Variants in MED13L observed in about 807,000 individuals in gnomAD.
MED13L encodes the protein mediator complex subunit 13L.
MED13L carries 7 observed loss-of-function variants against 220.9 expected under a neutral mutation model. That is an observed-to-expected ratio of 0.03 (90% CI 0.02 to 0.06). The LOEUF (loss-of-function observed/expected upper bound fraction) is 0.06, where lower values mean the gene tolerates loss of function less well. Ranked by LOEUF, MED13L falls within the 10% of genes least tolerant of loss-of-function variation. The pLI, the probability that MED13L is intolerant of heterozygous loss-of-function variation, is 1.00. For missense variants in MED13L, 1,965 were observed against 2,760.5 expected (o/e 0.71, Z 6.46); for synonymous variants, 1,011 against 1,015.2 (o/e 1.00, Z 0.08).
At position 116,254,897 on chromosome 12, in the gene MED13L, A is replaced by C. The variant is rs545299575; in HGVS notation, c.73-17192T>G. 2.6e-5 allele frequency among the ~76,000 whole-genome samples: 4 copies of C among 152,324 alleles called. No individual in the cohort carries two copies. The South Asian group carries it at 8.3e-4, about 32-fold the overall frequency. On this transcript the variant is annotated intron_variant, in intron 1 of 30. Transcript: ENST00000281928. ...TACGGAACAATGTTGAGAGAAATTAAATATCTAGAGAAATGAAGAGCCAGA... is the reference window on the plus strand; with the variant it reads ...TACGGAACAATGTTGAGAGAAATTACATATCTAGAGAAATGAAGAGCCAGA...
intron 1 of MED13L, 27 bp downstream of exon 1, chr12:116,277,033 C>T (rs751073934): frequency 6.5e-6 from 10 of 1,533,190 alleles, no homozygotes; most frequent in Admixed American, 1.9e-5. Flanking sequence ...CCCGGCACAG[C>T]CCCCTCCCCG....
At chr12:116,006,988 A>G (rs1019171019) in intron 11 of MED13L, 10 of 222,678 alleles carry the variant, frequency 4.5e-5, no homozygotes, top group Admixed American at 1.0e-4. Context: ...ATTAACCCAG[A>G]GAATATATAG....
At chr12:115,996,804 A>G (rs112547087) in intron 15 of MED13L, 123 bp from the exon 16 acceptor site, 13 of 1,075,548 alleles carry the variant, frequency 1.2e-5, no homozygotes, top group Non-Finnish European at 1.8e-5. Context: ...CTCTCCTATG[A>G]TCATTAGAAA....
chr12:116,235,679 C>CCTA (rs1298551771), intron 2 of MED13L, among the ~76,000 whole-genome samples: 1 of 152,030 alleles, frequency 6.6e-6, no homozygotes, highest in African/African-American at 2.4e-5. Flanking sequence ...ATTTAAATGC[C>CCTA]CTACTCCTTT....
At chr12:116,133,601 A>G (rs1876268204) in intron 2 of MED13L, among the ~76,000 whole-genome samples, 1 of 152,122 alleles carries the variant, frequency 6.6e-6, no homozygotes. Context: ...ATAGCTCACA[A>G]TATATCCCAT....
At chr12:116,151,312 A>G (rs896132145) in intron 2 of MED13L, among the ~76,000 whole-genome samples, 3 of 152,208 alleles carry the variant, frequency 2.0e-5, no homozygotes, top group Admixed American at 6.5e-5. Context: ...AAGTTACTAT[A>G]GAAATGTCAG....
intron 4 of MED13L, among the ~76,000 whole-genome samples, chr12:116,066,951 A>G (rs568349905): frequency 6.6e-6 from 1 of 152,294 alleles, no homozygotes; most frequent in African/African-American, 2.4e-5. Context: ...AGCATTACAA[A>G]TAAGAAATGT....
At chr12:116,114,481 A>G (rs1201479788) in intron 2 of MED13L, among the ~76,000 whole-genome samples, 1 of 152,218 alleles carries the variant, frequency 6.6e-6, no homozygotes, top group Non-Finnish European at 1.5e-5. Context: ...AACCCAGAAG[A>G]GACTTTCTTC....
chr12:116,276,368 G>C, intron 1 of MED13L: 2 of 838,512 alleles, frequency 2.4e-6, no homozygotes, highest in South Asian at 1.4e-5. Context: ...TCGTTGTTAG[G>C]ATAGAGAAAA....
rs538137839 is a variant in MED13L at position 116,037,010 on chromosome 12, C to T, written c.480-14409G>A. On this transcript the variant is annotated intron_variant, in intron 4 of 30. Transcript: ENST00000281928. Reference sequence around the variant, plus strand: ...AAACCTGATTACAAGGCAATGAAAACGTCCAGGAAAGTTAATTGCACATAA... The same window carrying T: ...AAACCTGATTACAAGGCAATGAAAATGTCCAGGAAAGTTAATTGCACATAA... Among the ~76,000 whole-genome samples the T allele has an allele frequency of 9.2e-5, 14 of 152,214 alleles. No individual in the cohort carries two copies. The East Asian group carries it at 1.7e-3, about 19-fold the overall frequency.
chr12:116,262,907 C>T (rs1479942969), intron 1 of MED13L, among the ~76,000 whole-genome samples: 1 of 152,148 alleles, frequency 6.6e-6, no homozygotes, highest in African/African-American at 2.4e-5. Context: ...TTGTAGACAA[C>T]TAAAGAATGT....
chr12:116,014,913 G>T lies in MED13L; in HGVS notation c.1175+196C>A, dbSNP rs532893341. Reference sequence around the variant, plus strand: ...GAACTTCAAAAAGTTCCTCGATAATGAAATCAAGTACAGTAAATGTCTTGA... The same window carrying T: ...GAACTTCAAAAAGTTCCTCGATAATTAAATCAAGTACAGTAAATGTCTTGA... On this transcript the variant is annotated intron_variant, in intron 8 of 30. Transcript: ENST00000281928. 4.6e-5 allele frequency among the ~76,000 whole-genome samples: 7 copies of T among 152,228 alleles called. No homozygotes were observed. In the East Asian group the frequency reaches 1.3e-3, roughly 29 times the overall value.
chr12:116,228,130 G>A lies in MED13L; in HGVS notation c.310+9338C>T, dbSNP rs544061872. Among the ~76,000 whole-genome samples, 20 of 152,110 alleles carry A rather than the reference G, an allele frequency of 1.3e-4. No individual in the cohort carries two copies. In the East Asian group the frequency reaches 3.9e-3, roughly 30 times the overall value. Reference sequence around the variant, plus strand: ...AAACTCTCTTCAATTCTACCAAGACGGAGAGAGGTGAGGAAGCAAACCTGG... The same window carrying A: ...AAACTCTCTTCAATTCTACCAAGACAGAGAGAGGTGAGGAAGCAAACCTGG... On this transcript the variant is annotated intron_variant, in intron 2 of 30. Transcript: ENST00000281928.
chr12:115,979,999 G>C (rs1431930090), intron 23 of MED13L, among the ~76,000 whole-genome samples: 1 of 152,160 alleles, frequency 6.6e-6, no homozygotes, highest in East Asian at 1.9e-4. Context: ...CTGAGGCAAG[G>C]AAAGGAGAAA....
chr12:116,236,469 C>T (rs1870091292), intron 2 of MED13L, among the ~76,000 whole-genome samples: 1 of 151,206 alleles, frequency 6.6e-6, no homozygotes. Context: ...AGAACAGAGC[C>T]TCGAACATAC....
intron 1 of MED13L, among the ~76,000 whole-genome samples, chr12:116,248,721 G>A (rs997539196): frequency 1.8e-4 from 27 of 152,176 alleles, no homozygotes; most frequent in African/African-American, 6.3e-4. Context: ...TTGCAAGTGG[G>A]GCCACATGGC....
chr12:115,981,032 G>C (rs1877293040), intron 22 of MED13L, 94 bp from the exon 23 acceptor site: 1 of 1,044,338 alleles, frequency 9.6e-7, no homozygotes, highest in Admixed American at 2.1e-5. Flanking sequence ...GAAACGGCAT[G>C]AATTCCTTAC....
intron 4 of MED13L, among the ~76,000 whole-genome samples, chr12:116,060,375 T>C (rs1188975191): frequency 6.6e-6 from 1 of 151,884 alleles, no homozygotes; most frequent in Non-Finnish European, 1.5e-5. Context: ...GTCAGGAGTT[T>C]GAGACCAGCC....
At chr12:116,016,754 T>G (rs896098111) in intron 7 of MED13L, among the ~76,000 whole-genome samples, 2 of 152,212 alleles carry the variant, frequency 1.3e-5, no homozygotes, top group Non-Finnish European at 2.9e-5. Context: ...GACTTGTTAC[T>G]CCAATCTGTT....
Sources: allele counts gnomAD v4.1 joint callset (sites outside exome capture counted in the v4.1 genomes callset), GRCh38; gene constraint gnomAD v4.1.1; transcripts MANE v1.5; gene names NCBI Gene and HGNC (gene_info 2026-07-23, HGNC 2026-07-21).